The following PRR11 variants were observed in gnomAD, a reference collection of about 807,000 sequenced individuals.
PRR11 encodes the protein proline rich 11.
Under a neutral mutation model 45.6 loss-of-function variants are expected in PRR11, and 30 were observed. The ratio of observed to expected loss-of-function variants is 0.66; its 90% CI spans 0.49 to 0.89. PRR11 has a LOEUF of 0.89. PRR11 is among the 40% of genes least tolerant of loss of function. PRR11 has a pLI of 0.00. For missense variants in PRR11, 373 were observed against 424.8 expected (o/e 0.88, Z 1.07); for synonymous variants, 128 against 153.5 (o/e 0.83, Z 1.23).
chr17:59,159,535 C>A (rs768190930), intron 1 of PRR11, among the ~76,000 whole-genome samples: 5 of 152,158 alleles, frequency 3.3e-5, no homozygotes, highest in Non-Finnish European at 7.3e-5. Flanking sequence ...AATCCAATTT[C>A]CACGATGCTG....
intron 4 of PRR11, among the ~76,000 whole-genome samples, chr17:59,189,865 C>T (rs2046832914): frequency 6.6e-6 from 1 of 152,034 alleles, no homozygotes; most frequent in Non-Finnish European, 1.5e-5. Flanking sequence ...ATGGCATACA[C>T]ACCTATAGTC....
At chr17:59,164,965 G>T (rs958379302) in intron 1 of PRR11, among the ~76,000 whole-genome samples, 2 of 151,792 alleles carry the variant, frequency 1.3e-5, no homozygotes, top group African/African-American at 2.4e-5. Context: ...TTCCTAGGAG[G>T]CTCTCCTAAA....
intron 4 of PRR11, among the ~76,000 whole-genome samples, chr17:59,190,797 A>G (rs2046837158): frequency 6.6e-6 from 1 of 152,274 alleles, no homozygotes; most frequent in South Asian, 2.1e-4. Flanking sequence ...TTCTCATAAC[A>G]GAACCATCTC....
chr17:59,173,190 G>A (rs1315430350), intron 2 of PRR11, among the ~76,000 whole-genome samples: 1 of 152,172 alleles, frequency 6.6e-6, no homozygotes, highest in South Asian at 2.1e-4. Context: ...CTCAGGGATT[G>A]TAAAGGCACC....
intron 2 of PRR11, among the ~76,000 whole-genome samples, chr17:59,172,105 A>C (rs1285909779): frequency 2.0e-5 from 3 of 152,226 alleles, no homozygotes; most frequent in Non-Finnish European, 4.4e-5. Context: ...CATAGTGTGT[A>C]TGAAGCTATC....
rs1188613035 is a variant in PRR11 at position 59,206,057 on chromosome 17, A to G, written c.*4426A>G. Among the ~76,000 whole-genome samples, 1 of 151,928 alleles carries G rather than the reference A, an allele frequency of 6.6e-6. No homozygotes were observed. Among genetic ancestry groups the G allele is most frequent in the African/African-American group, 2.4e-5 (1 of 41,324 alleles). On this transcript the variant is annotated 3_prime_UTR_variant, in exon 10 of 10. Transcript: ENST00000262293. ...CAGAGTGAGACCTTGTCTCAAAAAA[A>G]AAAGAAAGAAAAAGAAAAATGCTTT...
intron 7 of PRR11, among the ~76,000 whole-genome samples, chr17:59,196,324 A>G (rs946114839): frequency 2.0e-5 from 3 of 152,038 alleles, no homozygotes; most frequent in Non-Finnish European, 4.4e-5. Context: ...AAGACACACT[A>G]GTTTTCATAT....
At position 59,194,845 on chromosome 17, in the gene PRR11, A is replaced by G. The variant is rs568463733; in HGVS notation, c.734A>G (p.Glu245Gly). 170 of 1,612,238 alleles carry G rather than the reference A, an allele frequency of 1.1e-4. 1 individual carries two copies. In the East Asian group the frequency reaches 1.1e-3, roughly 11 times the overall value. ...TTAAAGAAGACACAGAGTTTAGATG[A>G]AAAGAGGAAGGTAAGATGTCATTGA... Reference protein sequence around the residue: ...VKLKKTQSLDEKRKLIPSPKA... With the variant: ...VKLKKTQSLDGKRKLIPSPKA... The change falls in exon 6 of 10, where the codon GAA (glutamate) becomes GGA (glycine). Residue 245 changes from glutamate (E) to glycine (G), a missense_variant. Transcript: ENST00000262293.
chr17:59,168,774 A>G (rs2033952335), intron 1 of PRR11, among the ~76,000 whole-genome samples: 1 of 152,200 alleles, frequency 6.6e-6, no homozygotes, highest in Non-Finnish European at 1.5e-5. Context: ...TGTATTGCCT[A>G]TTTAATCTAG....
At chr17:59,157,832 A>G (rs1256100253) in intron 1 of PRR11, among the ~76,000 whole-genome samples, 1 of 152,200 alleles carries the variant, frequency 6.6e-6, no homozygotes, top group Non-Finnish European at 1.5e-5. Flanking sequence ...ATAAAATAAC[A>G]GAATCTTGAA....
intron 2 of PRR11, among the ~76,000 whole-genome samples, chr17:59,173,912 G>A (rs893451189): frequency 3.3e-5 from 5 of 152,196 alleles, no homozygotes; most frequent in African/African-American, 1.2e-4. Flanking sequence ...CCTGGATCCG[G>A]TGTTCTGGAA....
chr17:59,180,982 T>C (rs1344647931), intron 2 of PRR11, among the ~76,000 whole-genome samples: 1 of 151,470 alleles, frequency 6.6e-6, no homozygotes, highest in Non-Finnish European at 1.5e-5. Flanking sequence ...CCAAACTTTC[T>C]TTTTTTGTTG....
In PRR11 at chr17:59,203,380, A is replaced by T. The variant is rs1472179757; in HGVS notation, c.*1749A>T. ...GCTGGGATTACAGGTGCGCACTGCC[A>T]CGCCTGACTAATTTTTGTATTTCTA... On this transcript the variant is annotated 3_prime_UTR_variant, in exon 10 of 10. Coordinates refer to ENST00000262293, the MANE Select transcript of PRR11 (RefSeq NM_018304.4). The T allele has an allele frequency of 6.6e-6, 1 of 152,108 alleles. No homozygotes were observed. The highest frequency in any genetic ancestry group is 1.5e-5 in the Non-Finnish European group (1 of 68,076). 9.4% of individuals were successfully genotyped at this position (152,108 alleles called of 1,614,324 possible).
At chr17:59,179,982 A>ACTG (rs751802276) in intron 2 of PRR11, 43 of 1,138,768 alleles carry the variant, frequency 3.8e-5, no homozygotes, top group Admixed American at 1.6e-4. Context: ...AGCCTCGCAG[A>ACTG]CTGCTGGCTT....
At chr17:59,173,714 C>G (rs181162781) in intron 2 of PRR11, among the ~76,000 whole-genome samples, 2 of 152,264 alleles carry the variant, frequency 1.3e-5, no homozygotes, top group African/African-American at 4.8e-5. Flanking sequence ...TCGGTGAAAC[C>G]AAGAACCCAC....
chr17:59,190,027 G>A (rs756523015), intron 4 of PRR11, among the ~76,000 whole-genome samples: 5 of 152,214 alleles, frequency 3.3e-5, no homozygotes, highest in South Asian at 2.1e-4. Flanking sequence ...ATGTGTGTGT[G>A]TATGTGTGAA....
chr17:59,185,442 T>C lies in PRR11; in HGVS notation c.282T>C (p.Ser94=). Residue 94 remains serine, a splice_region_variant and synonymous_variant, in exon 4 of 10, where the codon AGT becomes AGC. Transcript: ENST00000262293. ...YSWCQNCITQ[S]LEVLKDTIFP... is the part of the protein sequence containing the mutation. ...GAATTGTTTATTATTAATTTCAGAG[T>C]TTAGAAGTATTGAAAGACACCATCT... 1.3e-6 allele frequency: 2 copies of C among 1,597,146 alleles called. No individual in the cohort carries two copies. Among genetic ancestry groups the C allele is most frequent in the Non-Finnish European group, 1.7e-6 (2 of 1,168,830 alleles).
intron 2 of PRR11, among the ~76,000 whole-genome samples, chr17:59,180,507 T>G (rs556730328): frequency 3.2e-5 from 4 of 126,834 alleles, no homozygotes; most frequent in South Asian, 2.8e-4. Flanking sequence ...TTTTTTTTTT[T>G]TTGTTTTTTT....
At chr17:59,160,294 A>C (rs1416273217) in intron 1 of PRR11, among the ~76,000 whole-genome samples, 2 of 152,180 alleles carry the variant, frequency 1.3e-5, no homozygotes, top group African/African-American at 4.8e-5. Context: ...AGTATAGTAG[A>C]GCCATGATTT....
Sources: allele counts gnomAD v4.1 joint callset (sites outside exome capture counted in the v4.1 genomes callset), GRCh38; gene constraint gnomAD v4.1.1; transcripts MANE v1.5; gene names NCBI Gene and HGNC (gene_info 2026-07-23, HGNC 2026-07-21).